Variants in ASTN2 observed in about 807,000 individuals in gnomAD.
ASTN2 encodes astrotactin-2.
ASTN2 carries 54 observed loss-of-function variants against 139.8 expected under a neutral mutation model. The ratio of observed to expected loss-of-function variants is 0.39; its 90% confidence interval spans 0.31 to 0.48. The LOEUF (loss-of-function observed/expected upper bound fraction) is 0.48, where lower values mean the gene tolerates loss of function less well. Ranked by LOEUF, ASTN2 falls within the 20% of genes least tolerant of loss-of-function variation. ASTN2 has a pLI of 0.95. For synonymous variants in ASTN2, 756 were observed against 719.5 expected, an observed-to-expected ratio of 1.05 and a Z score of -0.81; for missense variants, 1,565 against 1,725.1, an observed-to-expected ratio of 0.91 and a Z score of 1.64.
rs144532174 is a variant in ASTN2 at position 116,698,649 on chromosome 9, G to A, written c.2806+27122C>T. The A allele has an allele frequency of 1.2e-5, 19 of 1,614,004 alleles. No individual in the cohort carries two copies. The highest frequency in any genetic ancestry group is 5.0e-5 in the Admixed American group (3 of 60,016). ...TGTTAAGAAGCCCCGGACAGTTAAC[G>A]TGGAAGATTCCTGGGCCATGGAGGC... On this transcript the variant is annotated intron_variant, in intron 16 of 22. Coordinates refer to ENST00000313400, the MANE Select transcript of ASTN2 (RefSeq NM_001365068.1). This position sits in a 1 kb window ranked among gnomAD's most constrained non-coding sequence, Gnocchi z 4.4.
intron 19 of ASTN2, among the ~76,000 whole-genome samples, chr9:116,596,811 C>T (rs550907001): frequency 6.6e-6 from 1 of 152,188 alleles, no homozygotes; most frequent in African/African-American, 2.4e-5. Context: ...GGGATTAAGA[C>T]TCACGTGCTT....
rs114029413 is a variant in ASTN2, at chr9:116,695,047, C to T, written c.2806+30724G>A. On this transcript the variant is annotated intron_variant, in intron 16 of 22. Coordinates refer to ENST00000313400, the MANE Select transcript of ASTN2 (RefSeq NM_001365068.1). ...TTCCTTCTGTGTTATGGAGAAAATG[C>T]GTATGCTATAAGGCAGCATTCCCCA... is the stretch of plus-strand genomic sequence containing the variant. 2.8e-3 allele frequency among the ~76,000 whole-genome samples: 433 copies of T among 152,162 alleles called. 5 individuals are homozygous for T. The highest frequency in any genetic ancestry group is 9.9e-3 in the African/African-American group (411 of 41,508).
chr9:116,507,191 A>G (rs1850149725), intron 19 of ASTN2, among the ~76,000 whole-genome samples: 1 of 152,196 alleles, frequency 6.6e-6, no homozygotes, highest in Admixed American at 6.5e-5. Context: ...ACTTACACCA[A>G]TAGTGAGCAA....
intron 10 of ASTN2, among the ~76,000 whole-genome samples, chr9:116,951,337 C>CAAAAAAAAAAAA (rs386416039): frequency 2.1e-4 from 7 of 34,076 alleles, no homozygotes; most frequent in African/African-American, 4.9e-4. Flanking sequence ...AACTCTGTCT[C>CAAAAAAAAAAAA]AAAAAAAAAA....
chr9:116,748,615 T>C (rs1055216619), intron 13 of ASTN2, among the ~76,000 whole-genome samples: 3 of 152,196 alleles, frequency 2.0e-5, no homozygotes, highest in East Asian at 1.9e-4. Flanking sequence ...ATTCATACCA[T>C]TGGTATCTCA....
At chr9:116,602,462 AG>A (rs961031693) in intron 19 of ASTN2, among the ~76,000 whole-genome samples, 112 of 152,346 alleles carry the variant, frequency 7.4e-4, no homozygotes, top group African/African-American at 2.5e-3. Flanking sequence ...GGAAGGCATA[AG>A]AAATACTGCA....
intron 19 of ASTN2, among the ~76,000 whole-genome samples, chr9:116,567,373 C>G (rs1443000504): frequency 6.6e-6 from 1 of 152,182 alleles, no homozygotes; most frequent in African/African-American, 2.4e-5. Flanking sequence ...ACAGCCCTCC[C>G]CAGTTTTTCC....
intron 13 of ASTN2, among the ~76,000 whole-genome samples, chr9:116,778,651 A>C (rs1830144551): frequency 6.6e-6 from 1 of 152,174 alleles, no homozygotes; most frequent in Non-Finnish European, 1.5e-5. Context: ...TTCCACTTGC[A>C]CAAGGAACCC....
chr9:117,294,797 A>G (rs936722580), intron 1 of ASTN2, among the ~76,000 whole-genome samples: 1 of 152,128 alleles, frequency 6.6e-6, no homozygotes, highest in Admixed American at 6.5e-5. Context: ...CTGTTTCTCA[A>G]ACAAGGCAGA....
At chr9:116,597,879 T>C (rs1225805388) in intron 19 of ASTN2, among the ~76,000 whole-genome samples, 1 of 152,154 alleles carries the variant, frequency 6.6e-6, no homozygotes, top group Non-Finnish European at 1.5e-5. Flanking sequence ...CCTACATCGT[T>C]GATGTCAGCT....
At chr9:116,647,185 T>C (rs1005919149) in intron 17 of ASTN2, among the ~76,000 whole-genome samples, 7 of 152,220 alleles carry the variant, frequency 4.6e-5, no homozygotes, top group Non-Finnish European at 7.3e-5. Context: ...TAGTACTCTA[T>C]ACAGTCTTGA....
intron 6 of ASTN2, among the ~76,000 whole-genome samples, chr9:117,014,576 A>G (rs1344504722): frequency 1.3e-5 from 2 of 151,996 alleles, no homozygotes; most frequent in Non-Finnish European, 2.9e-5. Flanking sequence ...GCCTTCTTCT[A>G]TTCTTCTCTA....
At chr9:116,947,104 G>A (rs1564354722) in intron 10 of ASTN2, among the ~76,000 whole-genome samples, 1 of 152,140 alleles carries the variant, frequency 6.6e-6, no homozygotes, top group Non-Finnish European at 1.5e-5. Context: ...CATTCTACCT[G>A]ATGTGTATTT....
intron 19 of ASTN2, among the ~76,000 whole-genome samples, chr9:116,530,513 G>A (rs1564346115): frequency 6.6e-6 from 1 of 151,750 alleles, no homozygotes; most frequent in Non-Finnish European, 1.5e-5. Flanking sequence ...AGTATGTGAG[G>A]TAATGCATAT....
At chr9:117,308,004 G>A (rs1411189687) in intron 1 of ASTN2, among the ~76,000 whole-genome samples, 1 of 152,116 alleles carries the variant, frequency 6.6e-6, no homozygotes. Context: ...TTCTGATTTT[G>A]TTATGGGAAA....
At chr9:117,305,814 A>G (rs868816750) in intron 1 of ASTN2, among the ~76,000 whole-genome samples, 7 of 152,240 alleles carry the variant, frequency 4.6e-5, no homozygotes, top group African/African-American at 1.7e-4. Context: ...CCCATGACTT[A>G]AGGATAATGA....
At chr9:116,815,686 T>C (rs1831295769) in intron 12 of ASTN2, among the ~76,000 whole-genome samples, 1 of 150,844 alleles carries the variant, frequency 6.6e-6, no homozygotes. Context: ...GCACCTGTAG[T>C]CCCAACTACT....
intron 19 of ASTN2, among the ~76,000 whole-genome samples, chr9:116,565,255 C>CACACACACACAT (rs1237588683): frequency 1.4e-4 from 16 of 111,044 alleles, no homozygotes; most frequent in African/African-American, 6.3e-4. Context: ...CACACACACA[C>CACACACACACAT]ACATATGCCC....
At chr9:116,597,305 T>TTTTTTTTTTG (rs1564142132) in intron 19 of ASTN2, among the ~76,000 whole-genome samples, 1 of 49,202 alleles carries the variant, frequency 2.0e-5, no homozygotes, top group African/African-American at 5.2e-5. Flanking sequence ...ATCTATTTTT[T>TTTTTTTTTTG]TTTTTTTTTT....
Sources: allele counts gnomAD v4.1 joint callset (sites outside exome capture counted in the v4.1 genomes callset), GRCh38; gene constraint gnomAD v4.1.1; non-coding constraint Gnocchi (gnomAD v3.1); transcripts MANE v1.5; gene names NCBI Gene and HGNC (gene_info 2026-07-23, HGNC 2026-07-21).